The following LAMA2 variants were observed in gnomAD, a reference collection of about 807,000 sequenced individuals.
LAMA2 encodes the protein laminin subunit alpha-2.
LAMA2 carries 269 observed loss-of-function variants against 364.8 expected under a neutral mutation model. The ratio of observed to expected loss-of-function variants is 0.74; its 90% CI spans 0.67 to 0.82. LAMA2 has a LOEUF of 0.82. Among genes scored for constraint, LAMA2 ranks in the 40% least tolerant of loss-of-function variants. The pLI, the probability that LAMA2 is intolerant of heterozygous loss-of-function variation, is 0.00. For missense variants in LAMA2, 3,807 were observed against 3,873.2 expected, an observed-to-expected ratio of 0.98 and a Z score of 0.45; for synonymous variants, 1,379 against 1,370.6, an observed-to-expected ratio of 1.01 and a Z score of -0.14.
intron 1 of LAMA2, among the ~76,000 whole-genome samples, chr6:128,944,448 A>G (rs1351591397): frequency 6.6e-6 from 1 of 152,178 alleles, no homozygotes; most frequent in Non-Finnish European, 1.5e-5. Context: ...TACTTTTTGC[A>G]TTAGTCCATT....
intron 40 of LAMA2, among the ~76,000 whole-genome samples, chr6:129,422,720 A>G (rs1781136181): frequency 1.3e-5 from 2 of 152,156 alleles, no homozygotes; most frequent in Admixed American, 6.5e-5. Flanking sequence ...CTTCACACAC[A>G]CAAATTCAGT....
At chr6:129,439,838 ATATATATATATC>A (rs1338843469) in intron 42 of LAMA2, among the ~76,000 whole-genome samples, 2 of 140,512 alleles carry the variant, frequency 1.4e-5, no homozygotes, top group Non-Finnish European at 3.0e-5. Flanking sequence ...ATATATATAT[ATATATATATATC>A]TATCTCAATT....
intron 37 of LAMA2, among the ~76,000 whole-genome samples, chr6:129,399,514 T>G (rs556186857): frequency 5.4e-4 from 83 of 152,316 alleles, no homozygotes; most frequent in Middle Eastern, 3.4e-3. Flanking sequence ...TCCTTAAGGT[T>G]TCATAGCTTG....
chr6:129,210,025 AT>A (rs1782990112), intron 12 of LAMA2, among the ~76,000 whole-genome samples: 3 of 146,242 alleles, frequency 2.1e-5, no homozygotes, highest in Non-Finnish European at 3.0e-5. Context: ...AAAAAAAAAA[AT>A]TTTTACTATT....
intron 20 of LAMA2, 44 bp from the exon 21 acceptor site, chr6:129,297,641 T>A: frequency 6.3e-7 from 1 of 1,584,400 alleles, no homozygotes; most frequent in Non-Finnish European, 8.7e-7. Context: ...TCACTTCGAG[T>A]TAACTGATTT....
At chr6:129,451,061 G>A (rs958150919) in intron 45 of LAMA2, among the ~76,000 whole-genome samples, 3 of 152,056 alleles carry the variant, frequency 2.0e-5, no homozygotes, top group African/African-American at 7.2e-5. Context: ...TCTTTCTCTT[G>A]CTTCTCTCTT....
At chr6:129,140,608 T>C (rs1385202891) in intron 4 of LAMA2, among the ~76,000 whole-genome samples, 1 of 152,044 alleles carries the variant, frequency 6.6e-6, no homozygotes, top group African/African-American at 2.4e-5. Flanking sequence ...TGAAGACAGA[T>C]ACCACCCTCT....
intron 1 of LAMA2, among the ~76,000 whole-genome samples, chr6:129,024,031 G>A (rs1203887003): frequency 6.6e-6 from 1 of 152,156 alleles, no homozygotes; most frequent in African/African-American, 2.4e-5. Context: ...TACTGAGACA[G>A]GGATGAGCGA....
chr6:129,270,235 C>T (rs1787820912), intron 16 of LAMA2, among the ~76,000 whole-genome samples: 1 of 148,316 alleles, frequency 6.7e-6, no homozygotes, highest in Admixed American at 6.7e-5. Flanking sequence ...CTACAATTTC[C>T]ATTAAACATA....
intron 3 of LAMA2, among the ~76,000 whole-genome samples, chr6:129,086,588 T>C (rs1223756754): frequency 6.6e-6 from 1 of 152,230 alleles, no homozygotes; most frequent in Admixed American, 6.5e-5. Flanking sequence ...GAAATACTCA[T>C]AGGCATGAAA....
At chr6:129,269,364 C>CTTT (rs370461121) in intron 16 of LAMA2, among the ~76,000 whole-genome samples, 21 of 144,724 alleles carry the variant, frequency 1.5e-4, no homozygotes, top group African/African-American at 3.8e-4. Context: ...AAGCTTCCAT[C>CTTT]TTTTTTTTTT....
At chr6:129,287,700 A>G in intron 18 of LAMA2, 147 bp from the exon 19 acceptor site, 1 of 751,524 alleles carries the variant, frequency 1.3e-6, no homozygotes, top group Non-Finnish European at 2.4e-6. Flanking sequence ...TTGTAGAAAA[A>G]CATTTTTTTA....
chr6:129,290,591 A>C (rs924244449), intron 19 of LAMA2, among the ~76,000 whole-genome samples: 5 of 152,172 alleles, frequency 3.3e-5, no homozygotes, highest in Non-Finnish European at 4.4e-5. Flanking sequence ...TTCAAATCAA[A>C]ATATTCAGAA....
intron 2 of LAMA2, among the ~76,000 whole-genome samples, chr6:129,054,192 C>T (rs956198264): frequency 6.6e-6 from 1 of 152,042 alleles, no homozygotes; most frequent in African/African-American, 2.4e-5. Flanking sequence ...TTATGAGCCT[C>T]TCAGGGGAAT....
At chr6:129,008,551 A>G (rs944425849) in intron 1 of LAMA2, among the ~76,000 whole-genome samples, 2 of 152,168 alleles carry the variant, frequency 1.3e-5, no homozygotes, top group African/African-American at 4.8e-5. Context: ...CCGGGTCTAC[A>G]TGAATACAAA....
chr6:129,514,732 G>C, intron 64 of LAMA2, 137 bp downstream of exon 64: 1 of 755,106 alleles, frequency 1.3e-6, no homozygotes, highest in East Asian at 2.7e-5. Flanking sequence ...CTTAGAATCT[G>C]CACCTTACCT....
chr6:129,149,129 T>G (rs761218270), intron 7 of LAMA2, 33 bp downstream of exon 7: 1 of 1,294,328 alleles, frequency 7.7e-7, no homozygotes, highest in Admixed American at 1.7e-5. Context: ...AAATATGTCA[T>G]TCTTCCTTTC....
At chr6:129,514,921 A>AT (rs1488647073) in intron 64 of LAMA2, among the ~76,000 whole-genome samples, 45 of 138,402 alleles carry the variant, frequency 3.3e-4, no homozygotes, top group Middle Eastern at 3.5e-3. Flanking sequence ...GTTCTTTCTG[A>AT]TTTTTTTAAA....
chr6:129,210,003 C>CAAAAAAAAGAAAAAAAAAAAAA (rs1782984515), intron 12 of LAMA2, among the ~76,000 whole-genome samples: 1 of 67,646 alleles, frequency 1.5e-5, no homozygotes, highest in Non-Finnish European at 3.0e-5. Flanking sequence ...GACTCCATCT[C>CAAAAAAAAGAAAAAAAAAAAAA]AAAAAAAAAA....
Sources: gnomAD v4.1 joint callset for allele counts (sites outside exome capture counted in the v4.1 genomes callset) on GRCh38, gnomAD v4.1.1 for gene constraint, MANE v1.5 for transcripts, NCBI Gene and HGNC (gene_info 2026-07-23, HGNC 2026-07-21) for gene names.